The following ZBTB20 variants were observed in gnomAD, a reference collection of about 807,000 sequenced individuals.
The protein encoded by ZBTB20 is zinc finger and BTB domain-containing protein 20.
ZBTB20 carries 9 observed loss-of-function variants against 56.9 expected under a neutral mutation model. The observed-to-expected ratio is 0.16, with a 90% CI of 0.10 to 0.28. ZBTB20 has a LOEUF of 0.28. Ranked by LOEUF, ZBTB20 falls within the 10% of genes least tolerant of loss-of-function variation. ZBTB20 has a pLI of 1.00. For missense variants in ZBTB20, 655 were observed against 1,003.0 expected (o/e 0.65, Z 4.69); for synonymous variants, 417 against 420.7 (o/e 0.99, Z 0.11).
chr3:114,802,059 C>T (rs995007463), intron 4 of ZBTB20, among the ~76,000 whole-genome samples: 1 of 151,774 alleles, frequency 6.6e-6, no homozygotes, highest in African/African-American at 2.4e-5. Context: ...AAAATCACAT[C>T]ACACACTAGA....
chr3:115,117,761 AT>A (rs2084061810), intron 1 of ZBTB20, among the ~76,000 whole-genome samples: 1 of 151,890 alleles, frequency 6.6e-6, no homozygotes, highest in South Asian at 2.1e-4. Flanking sequence ...TAGTGCTCTT[AT>A]TTTTTTAAAA....
At chr3:114,925,269 C>T (rs1298444009) in intron 3 of ZBTB20, among the ~76,000 whole-genome samples, 1 of 152,078 alleles carries the variant, frequency 6.6e-6, no homozygotes, top group Non-Finnish European at 1.5e-5. Context: ...GTGTGAGCCA[C>T]CGCACCTGGC....
chr3:114,531,979 G>A (rs897645767), intron 6 of ZBTB20, among the ~76,000 whole-genome samples: 10 of 152,200 alleles, frequency 6.6e-5, no homozygotes, highest in South Asian at 2.1e-4. Flanking sequence ...TTTTCTCACC[G>A]TCTTCACAAC....
chr3:114,819,031 T>C (rs942745554), intron 4 of ZBTB20, among the ~76,000 whole-genome samples: 1 of 151,978 alleles, frequency 6.6e-6, no homozygotes, highest in African/African-American at 2.4e-5. Flanking sequence ...AGTTTTACAG[T>C]GGGTTTATCA....
chr3:114,924,650 G>A (rs1388816959), intron 3 of ZBTB20, among the ~76,000 whole-genome samples: 1 of 152,170 alleles, frequency 6.6e-6, no homozygotes, highest in Non-Finnish European at 1.5e-5. Context: ...AATGGGTGGT[G>A]AAGAATGTGT....
intron 4 of ZBTB20, among the ~76,000 whole-genome samples, chr3:114,856,812 G>A (rs761812596): frequency 2.0e-5 from 3 of 152,246 alleles, no homozygotes; most frequent in Middle Eastern, 3.4e-3. Context: ...GAGAAGGTTC[G>A]TGTTTAATTT....
chr3:114,930,935 T>C (rs1219011134), intron 3 of ZBTB20: 1 of 191,298 alleles, frequency 5.2e-6, no homozygotes, highest in Non-Finnish European at 1.2e-5. Flanking sequence ...TTAACCATCA[T>C]TGACGCTATC....
intron 4 of ZBTB20, among the ~76,000 whole-genome samples, chr3:114,889,796 C>T (rs529822661): frequency 5.9e-5 from 9 of 152,060 alleles, no homozygotes; most frequent in African/African-American, 1.9e-4. Context: ...TAGTATAATG[C>T]TCTACTCAAG....
At chr3:114,471,950 G>C (rs2040179534) in intron 7 of ZBTB20, among the ~76,000 whole-genome samples, 1 of 152,162 alleles carries the variant, frequency 6.6e-6, no homozygotes, top group African/African-American at 2.4e-5. Flanking sequence ...AAAGGAAATG[G>C]ATAACTGTGG....
At chr3:114,509,909 G>A (rs946593366) in intron 6 of ZBTB20, among the ~76,000 whole-genome samples, 3 of 152,036 alleles carry the variant, frequency 2.0e-5, no homozygotes, top group African/African-American at 4.8e-5. Context: ...TCCAGGGATC[G>A]AGGATGTTTT....
chr3:115,108,975 A>G (rs893295810), intron 1 of ZBTB20, among the ~76,000 whole-genome samples: 4 of 152,216 alleles, frequency 2.6e-5, no homozygotes, highest in Admixed American at 6.5e-5. Flanking sequence ...CTTAAATGAT[A>G]TGATTATCTT....
intron 6 of ZBTB20, among the ~76,000 whole-genome samples, chr3:114,536,892 G>GATTCCCTATT (rs1303160616): frequency 6.6e-6 from 1 of 152,132 alleles, no homozygotes; most frequent in Non-Finnish European, 1.5e-5. Context: ...AAGGGGAAAA[G>GATTCCCTATT]ATTCCCTATT....
chr3:114,386,088 G>A (rs1391683430), intron 8 of ZBTB20, among the ~76,000 whole-genome samples: 5 of 152,126 alleles, frequency 3.3e-5, no homozygotes, highest in African/African-American at 1.2e-4. Flanking sequence ...GCTGAGGGTT[G>A]AGCAAGCTGC....
intron 1 of ZBTB20, among the ~76,000 whole-genome samples, chr3:115,110,510 A>C (rs964067513): frequency 6.6e-6 from 1 of 152,252 alleles, no homozygotes; most frequent in African/African-American, 2.4e-5. Context: ...AAATACAAAA[A>C]ATTACTTTAC....
Position 114,350,411 on chromosome 3 carries a change from G to A in ZBTB20, c.1667C>T (p.Ala556Val), listed in dbSNP as rs1323958910. 5.0e-6 allele frequency: 8 copies of A among 1,613,886 alleles called. No individual in the cohort carries two copies. Among genetic ancestry groups the A allele is most frequent in the African/African-American group, 2.7e-5 (2 of 74,864 alleles). ...TGCGGATGAGGCCAGGGGCTGTGGC[G>A]CTGGCAGCTGTGCAGTAAAGGTCGA... The part of the protein sequence containing the change: ...GLSTFTAQLP[A>V]PQPLASSAGH... Residue 556 changes from alanine to valine, a missense_variant, in exon 11 of 12, where the codon GCG (alanine) becomes GTG (valine). By Grantham distance (64) the Ala-to-Val change is moderately conservative (BLOSUM62 0). Around this residue, in one of 10 missense-constraint regions of ZBTB20, gnomAD observed 71 missense variants for 89.4 expected, o/e 0.79. Coordinates refer to ENST00000675478, the MANE Select transcript of ZBTB20 (RefSeq NM_001348800.3).
chr3:114,986,477 T>A (rs1457060970), intron 2 of ZBTB20, among the ~76,000 whole-genome samples: 1 of 152,134 alleles, frequency 6.6e-6, no homozygotes, highest in African/African-American at 2.4e-5. Context: ...AACTCATTTT[T>A]TTCATCGCTC....
At chr3:114,391,402 C>T (rs958855666) in intron 7 of ZBTB20, among the ~76,000 whole-genome samples, 1 of 152,190 alleles carries the variant, frequency 6.6e-6, no homozygotes, top group Non-Finnish European at 1.5e-5. Context: ...GTATTTCTTC[C>T]TTTCTTTCAA....
chr3:114,855,341 A>G (rs2075198413), intron 4 of ZBTB20, among the ~76,000 whole-genome samples: 1 of 152,232 alleles, frequency 6.6e-6, no homozygotes, highest in Admixed American at 6.6e-5. Flanking sequence ...AAAACTTGTC[A>G]GATATATCCC....
chr3:114,648,441 A>G (rs1289776328), intron 6 of ZBTB20, among the ~76,000 whole-genome samples: 1 of 152,016 alleles, frequency 6.6e-6, no homozygotes, highest in African/African-American at 2.4e-5. Context: ...AACTTGCCAT[A>G]TCCACACAAT....
Sources: gnomAD v4.1 joint callset for allele counts (sites outside exome capture counted in the v4.1 genomes callset) on GRCh38, gnomAD v4.1.1 for gene constraint, gnomAD v4.1.1 regional missense constraint, MANE v1.5 for transcripts, NCBI Gene and HGNC (gene_info 2026-07-23, HGNC 2026-07-21) for gene names.